Variants in SFSWAP observed in about 807,000 individuals in gnomAD.
SFSWAP encodes the protein splicing factor SWAP, also known as splicing factor, suppressor of white-apricot homolog.
SFSWAP carries 17 observed loss-of-function variants against 100.7 expected under a neutral mutation model. That is an observed-to-expected ratio of 0.17 (90% CI 0.12 to 0.25). The LOEUF (loss-of-function observed/expected upper bound fraction) is 0.25, where lower values mean the gene tolerates loss of function less well. Among genes scored for constraint, SFSWAP ranks in the 10% least tolerant of loss-of-function variants. The pLI is 1.00. For synonymous variants in SFSWAP, 504 were observed against 510.1 expected (o/e 0.99, Z 0.16); for missense variants, 1,005 against 1,262.6 (o/e 0.80, Z 3.09).
At chr12:131,761,332 AG>A (rs1882660916) in intron 11 of SFSWAP, among the ~76,000 whole-genome samples, 1 of 152,252 alleles carries the variant, frequency 6.6e-6, no homozygotes, top group African/African-American at 2.4e-5. Context: ...GGGTTCACTC[AG>A]GGGTGCCCGA....
chr12:131,751,313 C>T (rs1425574692), intron 7 of SFSWAP, among the ~76,000 whole-genome samples: 1 of 152,214 alleles, frequency 6.6e-6, no homozygotes, highest in African/African-American at 2.4e-5. Flanking sequence ...AATTCAGATC[C>T]CGTCCTTTGT....
chr12:131,773,309 G>T (rs61942913), intron 13 of SFSWAP, among the ~76,000 whole-genome samples: 1 of 152,074 alleles, frequency 6.6e-6, no homozygotes, highest in African/African-American at 2.4e-5. Flanking sequence ...AGTAGCAACA[G>T]ACTGCAGGAT....
At position 131,798,258 on chromosome 12, in the gene SFSWAP, G is replaced by A. The variant is rs118148826; in HGVS notation, c.2718-779G>A. ...GGTGGAGGCTGCTGTGAGCCATGAC[G>A]GCACCACTGCACATCAGCCTGGGTG... On this transcript the variant is annotated intron_variant, in intron 16 of 17. Transcript: ENST00000261674. 5.1e-3 allele frequency among the ~76,000 whole-genome samples: 777 copies of A among 152,174 alleles called. 7 individuals carry two copies. Among genetic ancestry groups the A allele is most frequent in the Non-Finnish European group, 8.7e-3 (589 of 67,982 alleles).
chr12:131,738,882 A>ATTATTTTTTTTTTTTTTTT (rs1555243205), intron 7 of SFSWAP, among the ~76,000 whole-genome samples: 1 of 40,220 alleles, frequency 2.5e-5, no homozygotes, highest in Non-Finnish European at 7.6e-5. Flanking sequence ...AATGAACATT[A>ATTATTTTTTTTTTTTTTTT]TTCTTTTTTT....
At chr12:131,787,178 G>A (rs1397552022) in intron 15 of SFSWAP, among the ~76,000 whole-genome samples, 4 of 152,190 alleles carry the variant, frequency 2.6e-5, no homozygotes, top group Admixed American at 6.5e-5. Flanking sequence ...AGCCCCAGCC[G>A]TGGTGCCTGG....
At chr12:131,746,058 A>G (rs1881074073) in intron 7 of SFSWAP, among the ~76,000 whole-genome samples, 1 of 152,256 alleles carries the variant, frequency 6.6e-6, no homozygotes, top group African/African-American at 2.4e-5. Flanking sequence ...CATGTTCTGT[A>G]TGACACACTA....
At chr12:131,728,190 C>T in intron 6 of SFSWAP, 103 bp from the exon 7 acceptor site, 1 of 1,353,680 alleles carries the variant, frequency 7.4e-7, no homozygotes, top group Non-Finnish European at 1.0e-6. Flanking sequence ...TGTGTTTTTT[C>T]TAAGGCATGT....
chr12:131,718,053 G>A (rs959805087), intron 3 of SFSWAP, among the ~76,000 whole-genome samples: 23 of 152,172 alleles, frequency 1.5e-4, no homozygotes, highest in Non-Finnish European at 2.9e-4. Context: ...CACTGAGCCC[G>A]GCTTCATCTC....
At chr12:131,738,959 T>A (rs1447705258) in intron 7 of SFSWAP, among the ~76,000 whole-genome samples, 10 of 75,142 alleles carry the variant, frequency 1.3e-4, no homozygotes, top group Non-Finnish European at 2.3e-4. Flanking sequence ...AGTAGCGTGA[T>A]CTTGGCTCAC....
chr12:131,755,608 G>A, intron 10 of SFSWAP, 129 bp downstream of exon 10: 1 of 649,990 alleles, frequency 1.5e-6, no homozygotes, highest in Non-Finnish European at 2.7e-6. Flanking sequence ...TTTTTAATGT[G>A]TGTCTGGCAT....
chr12:131,735,614 C>T (rs1879933821), intron 7 of SFSWAP, among the ~76,000 whole-genome samples: 1 of 152,178 alleles, frequency 6.6e-6, no homozygotes, highest in African/African-American at 2.4e-5. Context: ...GTGTGTGGAC[C>T]CAAACCATGA....
At chr12:131,720,280 G>A (rs1289897105) in intron 4 of SFSWAP, among the ~76,000 whole-genome samples, 2 of 152,104 alleles carry the variant, frequency 1.3e-5, no homozygotes, top group East Asian at 1.9e-4. Flanking sequence ...CCCTATAAGC[G>A]AACTACTGTT....
chr12:131,711,639 A>T lies in SFSWAP; in HGVS notation c.218+192A>T. Reference sequence around the variant, plus strand: ...GGGACGGTGAAACCTGCCCTAAGGCACTGGCTGGAATTGCGTGCCGCGTCC... The same window carrying T: ...GGGACGGTGAAACCTGCCCTAAGGCTCTGGCTGGAATTGCGTGCCGCGTCC... On this transcript the variant is annotated intron_variant, in intron 1 of 17. Coordinates refer to ENST00000261674, the MANE Select transcript of SFSWAP (RefSeq NM_004592.4). The surrounding 1 kb of genome is among the most constrained non-coding windows in gnomAD (Gnocchi z 4.9). 1 of 587,068 alleles carries T rather than the reference A, an allele frequency of 1.7e-6. No homozygotes were observed. Among genetic ancestry groups the T allele is most frequent in the Non-Finnish European group, 3.0e-6 (1 of 330,322 alleles). The allele number at this position is 587,068 out of a possible 1,614,324, so 36.4% of individuals were successfully genotyped here.
At chr12:131,760,866 T>G (rs548263900) in intron 11 of SFSWAP, among the ~76,000 whole-genome samples, 7 of 152,186 alleles carry the variant, frequency 4.6e-5, no homozygotes, top group Admixed American at 3.9e-4. Flanking sequence ...GAAGTCGGGA[T>G]TTCGAGACCA....
intron 15 of SFSWAP, chr12:131,796,918 T>C (rs1885717894): frequency 2.4e-6 from 1 of 419,584 alleles, no homozygotes; most frequent in Non-Finnish European, 4.2e-6. Flanking sequence ...ATCTTAGGTA[T>C]TTTACATGTA....
chr12:131,782,070 TGGGAGGCA>T (rs892966870), intron 14 of SFSWAP, among the ~76,000 whole-genome samples: 9 of 152,138 alleles, frequency 5.9e-5, no homozygotes, highest in African/African-American at 2.2e-4. Context: ...CCCAGATGCT[TGGGAGGCA>T]GAGGCAGGAG....
At chr12:131,754,231 C>G in intron 8 of SFSWAP, 137 bp from the exon 9 acceptor site, 2 of 493,964 alleles carry the variant, frequency 4.0e-6, no homozygotes, top group Admixed American at 8.3e-5. Flanking sequence ...TCACCTTCAA[C>G]AAGAGCCTCC....
chr12:131,740,038 G>A (rs577430477), intron 7 of SFSWAP, among the ~76,000 whole-genome samples: 15 of 152,242 alleles, frequency 9.9e-5, no homozygotes, highest in African/African-American at 2.9e-4. Flanking sequence ...TGAACAGGAC[G>A]GCTTGTCTGG....
At chr12:131,793,314 G>C (rs1315694993) in intron 15 of SFSWAP, among the ~76,000 whole-genome samples, 1 of 151,956 alleles carries the variant, frequency 6.6e-6, no homozygotes, top group Non-Finnish European at 1.5e-5. Flanking sequence ...GAACTCCCAG[G>C]CTCAAGCAGT....
Sources: gnomAD v4.1 joint callset for allele counts (sites outside exome capture counted in the v4.1 genomes callset) on GRCh38, gnomAD v4.1.1 for gene constraint, Gnocchi (gnomAD v3.1) non-coding constraint, MANE v1.5 for transcripts, NCBI Gene and HGNC (gene_info 2026-07-23, HGNC 2026-07-21) for gene names.